Variants in FBXL4 observed in about 807,000 individuals in gnomAD.
FBXL4 encodes the protein F-box and leucine rich repeat protein 4.
Under a neutral mutation model 58.9 loss-of-function variants are expected in FBXL4, and 40 were observed. That is an observed-to-expected ratio of 0.68 (90% confidence interval 0.53 to 0.88). FBXL4 has a LOEUF of 0.88. FBXL4 is among the 40% of genes least tolerant of loss of function. The pLI, the probability that FBXL4 is intolerant of heterozygous loss-of-function variation, is 0.00. For missense variants in FBXL4, 676 were observed against 734.4 expected (o/e 0.92, Z 0.92); for synonymous variants, 263 against 265.5 (o/e 0.99, Z 0.09).
At chr6:98,932,498 A>T (rs770141205) in intron 2 of FBXL4, among the ~76,000 whole-genome samples, 1 of 152,240 alleles carries the variant, frequency 6.6e-6, no homozygotes, top group Non-Finnish European at 1.5e-5. Context: ...ATAGTGGAAA[A>T]GAGAAATTAA....
At chr6:98,928,183 C>A (rs989214809) in intron 2 of FBXL4, among the ~76,000 whole-genome samples, 9 of 152,280 alleles carry the variant, frequency 5.9e-5, no homozygotes, top group African/African-American at 2.2e-4. Flanking sequence ...TCGTTCCCAG[C>A]CAGCTCCACT....
At chr6:98,903,316 T>C (rs559825185) in intron 6 of FBXL4, among the ~76,000 whole-genome samples, 9 of 152,230 alleles carry the variant, frequency 5.9e-5, no homozygotes, top group Non-Finnish European at 7.4e-5. Context: ...CAGTAATCAG[T>C]AGGCAAAACT....
chr6:98,940,457 C>T (rs931376233), intron 1 of FBXL4, among the ~76,000 whole-genome samples: 7 of 152,192 alleles, frequency 4.6e-5, no homozygotes, highest in Non-Finnish European at 8.8e-5. Context: ...GCTCCACATC[C>T]TCATCAATAG....
At chr6:98,927,109 A>G (rs904603974) in intron 3 of FBXL4, 49 bp from the exon 4 acceptor site, 6 of 919,980 alleles carry the variant, frequency 6.5e-6, no homozygotes, top group Non-Finnish European at 9.9e-6. Flanking sequence ...AATAAGCAGA[A>G]AAATGCATGG....
rs201405973 is a variant in FBXL4 at position 98,890,241 on chromosome 6, G to C, written c.1317+9027C>G. ...TATAGGACAGTAGGATTCCAAATTA[G>C]TATTCTCCATTCTAAAACATGATTC... On this transcript the variant is annotated intron_variant, in intron 7 of 9. Transcript: ENST00000369244. 8.5e-5 allele frequency among the ~76,000 whole-genome samples: 13 copies of C among 152,166 alleles called. No homozygotes were observed. The East Asian group carries it at 2.3e-3, about 27-fold the overall frequency.
In FBXL4 at chr6:98,879,536, A is replaced by T. The variant is rs561137428; in HGVS notation, c.1389+1017T>A. Among the ~76,000 whole-genome samples, 29 of 152,342 alleles carry T rather than the reference A, an allele frequency of 1.9e-4. 1 individual carries two copies. The highest frequency in any genetic ancestry group is 1.6e-3 in the Admixed American group (25 of 15,304). The stretch of plus-strand genomic sequence containing the variant: ...ATAATTATGTGGTTTAGATTAAAAC[A>T]TTTAACTCTTTCCATGAGCTCTTTC... On this transcript the variant is annotated intron_variant, in intron 8 of 9. Coordinates refer to ENST00000369244, the MANE Select transcript of FBXL4 (RefSeq NM_001278716.2).
At chr6:98,899,996 A>G (rs139650054) in intron 6 of FBXL4, among the ~76,000 whole-genome samples, 52 of 152,298 alleles carry the variant, frequency 3.4e-4, no homozygotes, top group African/African-American at 1.2e-3. Context: ...GGGTTTAACT[A>G]CAGCACTGTT....
chr6:98,879,856 T>G (rs1159595379), intron 8 of FBXL4, among the ~76,000 whole-genome samples: 1 of 150,160 alleles, frequency 6.7e-6, no homozygotes, highest in Non-Finnish European at 1.5e-5. Context: ...GGCAGGAGAA[T>G]TGCTTGAATC....
At chr6:98,935,054 C>T (rs897295589) in intron 1 of FBXL4, among the ~76,000 whole-genome samples, 175 bp from the exon 2 acceptor site, 3 of 152,092 alleles carry the variant, frequency 2.0e-5, no homozygotes, top group African/African-American at 7.2e-5. Flanking sequence ...GCAAGAGGTA[C>T]CCAAGAAGTC....
chr6:98,914,553 A>G (rs972312962), intron 5 of FBXL4, among the ~76,000 whole-genome samples: 16 of 152,300 alleles, frequency 1.1e-4, no homozygotes, highest in South Asian at 2.1e-4. Context: ...TATAAACAGA[A>G]CCAAAGACAA....
At chr6:98,888,023 C>A (rs1369067021) in intron 7 of FBXL4, among the ~76,000 whole-genome samples, 1 of 152,236 alleles carries the variant, frequency 6.6e-6, no homozygotes, top group Non-Finnish European at 1.5e-5. Context: ...AATATTCTTT[C>A]TCCATGCTAT....
intron 2 of FBXL4, among the ~76,000 whole-genome samples, chr6:98,929,724 T>C (rs1397858102): frequency 1.3e-5 from 2 of 152,182 alleles, no homozygotes; most frequent in African/African-American, 4.8e-5. Flanking sequence ...TCAGAGACGT[T>C]ATTTAAAGAC....
At chr6:98,914,474 T>A (rs997196157) in intron 5 of FBXL4, among the ~76,000 whole-genome samples, 2 of 152,176 alleles carry the variant, frequency 1.3e-5, no homozygotes, top group Non-Finnish European at 2.9e-5. Context: ...TCCACCATGA[T>A]CAAGTGGGCT....
intron 5 of FBXL4, among the ~76,000 whole-genome samples, chr6:98,915,437 A>C (rs1772301884): frequency 6.6e-6 from 1 of 152,058 alleles, no homozygotes; most frequent in African/African-American, 2.4e-5. Context: ...AGGCTACAGT[A>C]ACCAAAACAG....
intron 8 of FBXL4, among the ~76,000 whole-genome samples, chr6:98,879,861 T>C (rs987661194): frequency 1.4e-5 from 2 of 144,550 alleles, no homozygotes; most frequent in African/African-American, 2.6e-5. Flanking sequence ...GAGAATTGCT[T>C]GAATCCGGGA....
At chr6:98,943,346 G>A (rs1019489599) in intron 1 of FBXL4, among the ~76,000 whole-genome samples, 1 of 151,872 alleles carries the variant, frequency 6.6e-6, no homozygotes, top group Non-Finnish European at 1.5e-5. Context: ...GCCAAGGCGG[G>A]TGGATCACTT....
chr6:98,904,737 A>T (rs894524281), intron 6 of FBXL4, among the ~76,000 whole-genome samples: 1 of 152,186 alleles, frequency 6.6e-6, no homozygotes. Context: ...TGTAACATAC[A>T]ATGAGAAAAA....
chr6:98,928,798 C>T (rs567944626), intron 2 of FBXL4, among the ~76,000 whole-genome samples: 1 of 152,226 alleles, frequency 6.6e-6, no homozygotes, highest in Non-Finnish European at 1.5e-5. Context: ...AGGCTCTCTT[C>T]AAGCTGGACC....
chr6:98,889,059 T>G (rs148070153), intron 7 of FBXL4, among the ~76,000 whole-genome samples: 14 of 152,274 alleles, frequency 9.2e-5, no homozygotes, highest in African/African-American at 3.1e-4. Flanking sequence ...CACTCAGCCA[T>G]TGTGAAATGC....
Sources: gnomAD v4.1 joint callset for allele counts (sites outside exome capture counted in the v4.1 genomes callset) on GRCh38, gnomAD v4.1.1 for gene constraint, MANE v1.5 for transcripts, NCBI Gene and HGNC (gene_info 2026-07-23, HGNC 2026-07-21) for gene names.